Variants in GRIK4 observed in about 807,000 individuals in gnomAD.
GRIK4 encodes the protein glutamate ionotropic receptor kainate type subunit 4, also known as glutamate receptor ionotropic, kainate 4.
GRIK4 carries 40 observed loss-of-function variants against 104.9 expected under a neutral mutation model. The observed-to-expected ratio is 0.38, with a 90% CI of 0.30 to 0.50. GRIK4 has a LOEUF of 0.50. Ranked by LOEUF, GRIK4 falls within the 20% of genes least tolerant of loss-of-function variation. The pLI is 0.93. For missense variants in GRIK4, 1,047 were observed against 1,308.1 expected (o/e 0.80, Z 3.08); for synonymous variants, 485 against 524.9 (o/e 0.92, Z 1.04).
intron 4 of GRIK4, among the ~76,000 whole-genome samples, chr11:120,806,685 G>A (rs1294544077): frequency 6.6e-6 from 1 of 152,240 alleles, no homozygotes; most frequent in Admixed American, 6.5e-5. Flanking sequence ...ATTTCAGAAA[G>A]CTCTGTCCAC....
At chr11:120,603,669 T>G (rs186250824) in intron 1 of GRIK4, among the ~76,000 whole-genome samples, 1 of 152,318 alleles carries the variant, frequency 6.6e-6, no homozygotes, top group East Asian at 1.9e-4. Flanking sequence ...GCCCAGGGCT[T>G]GGGTTCAAAG....
chr11:120,831,758 C>CATTAAAAAA, intron 6 of GRIK4, 94 bp from the exon 7 acceptor site: 2 of 923,124 alleles, frequency 2.2e-6, no homozygotes, highest in Non-Finnish European at 1.7e-6. Context: ...GACCCCACTT[C>CATTAAAAAA]CAGCCCACAT....
At chr11:120,898,398 T>G in intron 11 of GRIK4, 134 bp from the exon 12 acceptor site, 1 of 578,130 alleles carries the variant, frequency 1.7e-6, no homozygotes, top group Non-Finnish European at 3.2e-6. Flanking sequence ...CTTCTGCAGT[T>G]CAGCCCCCGG....
In GRIK4 at chr11:120,952,173, C is replaced by T. The variant is rs1171109235; in HGVS notation, c.1591-682C>T. The stretch of plus-strand genomic sequence containing the variant: ...GCCAGACTCATCCCTGGCCTTGCAA[C>T]GTGTTTTCCCACGGTGCAGTGGAGT... On this transcript the variant is annotated intron_variant, in intron 14 of 20. Coordinates refer to ENST00000527524, the MANE Select transcript of GRIK4 (RefSeq NM_014619.5). This position sits in a 1 kb window ranked among gnomAD's most constrained non-coding sequence, Gnocchi z 5.2. Among the ~76,000 whole-genome samples, 2 of 152,272 alleles carry T rather than the reference C, an allele frequency of 1.3e-5. No homozygotes were observed. Among genetic ancestry groups the T allele is most frequent in the African/African-American group, 2.4e-5 (1 of 41,554 alleles).
intron 19 of GRIK4, among the ~76,000 whole-genome samples, chr11:120,970,737 T>C (rs1944461292): frequency 6.6e-6 from 1 of 152,090 alleles, no homozygotes; most frequent in African/African-American, 2.4e-5. Context: ...TCGCCCAAAG[T>C]CCAAGGACCC....
chr11:120,723,896 G>C (rs1160838096), intron 3 of GRIK4, among the ~76,000 whole-genome samples: 1 of 152,040 alleles, frequency 6.6e-6, no homozygotes, highest in Admixed American at 6.6e-5. Flanking sequence ...ATGCAAGCAT[G>C]TAACCATCAC....
chr11:120,656,239 C>A (rs986059951), intron 2 of GRIK4, among the ~76,000 whole-genome samples: 2 of 152,222 alleles, frequency 1.3e-5, no homozygotes, highest in Non-Finnish European at 1.5e-5. Flanking sequence ...CATCTTTCTG[C>A]TCTGTAGCAG....
chr11:120,711,467 G>T (rs1950734235), intron 3 of GRIK4, among the ~76,000 whole-genome samples: 1 of 152,110 alleles, frequency 6.6e-6, no homozygotes, highest in Non-Finnish European at 1.5e-5. Flanking sequence ...CTGGTCTGGG[G>T]ATCAGTGCTG....
chr11:120,674,086 ATCT>A (rs1950062650), intron 3 of GRIK4, among the ~76,000 whole-genome samples: 1 of 152,134 alleles, frequency 6.6e-6, no homozygotes, highest in African/African-American at 2.4e-5. Flanking sequence ...GGCTCCCGGC[ATCT>A]TCTTTCTTCC....
intron 3 of GRIK4, among the ~76,000 whole-genome samples, chr11:120,754,990 A>C (rs1951628079): frequency 1.3e-5 from 2 of 152,184 alleles, no homozygotes; most frequent in African/African-American, 4.8e-5. Flanking sequence ...TACTTTCTTC[A>C]CAGTGTCCTT....
chr11:120,863,449 G>C (rs2135638354), intron 9 of GRIK4, among the ~76,000 whole-genome samples: 1 of 152,334 alleles, frequency 6.6e-6, no homozygotes, highest in East Asian at 1.9e-4. Context: ...ACACAATGAA[G>C]AAATTGCCTG....
At chr11:120,920,779 C>A (rs1414479736) in intron 13 of GRIK4, among the ~76,000 whole-genome samples, 2 of 151,606 alleles carry the variant, frequency 1.3e-5, no homozygotes, top group African/African-American at 4.8e-5. Flanking sequence ...GTATCTGAAT[C>A]TTCATGGGCT....
At chr11:120,804,003 T>C (rs1952669788) in intron 4 of GRIK4, among the ~76,000 whole-genome samples, 1 of 152,188 alleles carries the variant, frequency 6.6e-6, no homozygotes. Flanking sequence ...GTGCAGTCCA[T>C]GAGACCTCCC....
At chr11:120,668,948 C>T (rs1037363093) in intron 3 of GRIK4, among the ~76,000 whole-genome samples, 1 of 152,192 alleles carries the variant, frequency 6.6e-6, no homozygotes, top group Non-Finnish European at 1.5e-5. Flanking sequence ...ACAGTAAGTG[C>T]TATGAAAGTG....
intron 1 of GRIK4, among the ~76,000 whole-genome samples, chr11:120,633,306 G>A (rs796068241): frequency 2.6e-4 from 40 of 152,262 alleles, no homozygotes; most frequent in African/African-American, 8.9e-4. Flanking sequence ...CACAGTGAGT[G>A]CAGGGCCAGG....
chr11:120,779,023 C>T lies in GRIK4; in HGVS notation c.83-23670C>T, dbSNP rs991377753. Among the ~76,000 whole-genome samples, 4 of 152,146 alleles carry T rather than the reference C, an allele frequency of 2.6e-5. No homozygotes were observed. In the East Asian group the frequency reaches 7.7e-4, roughly 29 times the overall value. On this transcript the variant is annotated intron_variant, in intron 3 of 20. Coordinates refer to ENST00000527524, the MANE Select transcript of GRIK4 (RefSeq NM_014619.5). Reference sequence around the variant, plus strand: ...AGCACCTTGACTGCTCTCCTGTCAGCTGGGGAGGTGAGCGCCGACTTAGTG... The same window carrying T: ...AGCACCTTGACTGCTCTCCTGTCAGTTGGGGAGGTGAGCGCCGACTTAGTG...
intron 3 of GRIK4, among the ~76,000 whole-genome samples, chr11:120,691,087 G>T (rs1950352961): frequency 6.6e-6 from 1 of 152,150 alleles, no homozygotes; most frequent in African/African-American, 2.4e-5. Context: ...TCTGAATAGG[G>T]GGGCAGTCAG....
chr11:120,798,700 T>C (rs1280140338), intron 3 of GRIK4, among the ~76,000 whole-genome samples: 1 of 152,122 alleles, frequency 6.6e-6, no homozygotes, highest in Non-Finnish European at 1.5e-5. Context: ...CAGGCTGGTG[T>C]TGAACTCCTG....
intron 14 of GRIK4, among the ~76,000 whole-genome samples, chr11:120,948,304 AC>A (rs1326179624): frequency 3.3e-5 from 5 of 152,326 alleles, no homozygotes; most frequent in East Asian, 3.9e-4. Context: ...CATATGAAGG[AC>A]CCTTTGTCCT....
Sources: gnomAD v4.1 joint callset for allele counts (sites outside exome capture counted in the v4.1 genomes callset) on GRCh38, gnomAD v4.1.1 for gene constraint, Gnocchi (gnomAD v3.1) non-coding constraint, MANE v1.5 for transcripts, NCBI Gene and HGNC (gene_info 2026-07-23, HGNC 2026-07-21) for gene names.